Variants in NUP93 observed in about 807,000 individuals in gnomAD.
NUP93 encodes nucleoporin 93.
NUP93 carries 55 observed loss-of-function variants against 107.8 expected under a neutral mutation model. The observed-to-expected ratio is 0.51, with a 90% confidence interval of 0.41 to 0.64. The LOEUF is 0.64. Ranked by LOEUF, NUP93 falls within the 30% of genes least tolerant of loss-of-function variation. The pLI is 0.00. For synonymous variants in NUP93, 390 were observed against 397.5 expected (o/e 0.98, Z 0.22); for missense variants, 937 against 1,044.7 (o/e 0.90, Z 1.42).
intron 3 of NUP93, among the ~76,000 whole-genome samples, chr16:56,779,546 T>C (rs1033110623): frequency 6.6e-6 from 1 of 152,180 alleles, no homozygotes; most frequent in Admixed American, 6.5e-5. Flanking sequence ...GTGGCTTCTT[T>C]GTAGCATTTT....
intron 3 of NUP93, among the ~76,000 whole-genome samples, chr16:56,760,736 A>C (rs1962110463): frequency 6.6e-6 from 1 of 152,286 alleles, no homozygotes; most frequent in East Asian, 1.9e-4. Context: ...TTACAGTTCA[A>C]CATGAGATTT....
chr16:56,805,645 C>G lies in NUP93; in HGVS notation c.489+13C>G. On this transcript the variant is annotated intron_variant, in intron 5 of 21. Coordinates refer to ENST00000308159, the MANE Select transcript of NUP93 (RefSeq NM_014669.5). The stretch of plus-strand genomic sequence containing the variant: ...TCAAGAAAGCGAGGTAGCTTGAATG[C>G]AAAAGATAAACTACTGTTAATAAAA... 6.2e-7 allele frequency: 1 copy of G among 1,610,998 alleles called. No homozygotes were observed. Among genetic ancestry groups the G allele is most frequent in the Non-Finnish European group, 8.5e-7 (1 of 1,177,896 alleles).
At chr16:56,833,494 G>A in intron 13 of NUP93, 88 bp downstream of exon 13, 7 of 1,087,594 alleles carry the variant, frequency 6.4e-6, no homozygotes, top group Non-Finnish European at 7.6e-6. Context: ...AACCAATAAG[G>A]ATTTGAGCAA....
Position 56,823,703 on chromosome 16 carries a change from G to T in NUP93, c.655-4G>T, listed in dbSNP as rs371599921. 24 of 1,613,830 alleles carry T rather than the reference G, an allele frequency of 1.5e-5. No homozygotes were observed. The African/African-American group carries it at 2.9e-4, about 20-fold the overall frequency. ...TTGTCACATGCAGTTTCATTTATGT[G>T]CAGAGCATTTCCGACATGTGGACCA... On this transcript the variant is annotated splice_region_variant and splice_polypyrimidine_tract_variant and intron_variant, in intron 7 of 21. Coordinates refer to ENST00000308159, the MANE Select transcript of NUP93 (RefSeq NM_014669.5).
chr16:56,774,453 A>G (rs1469190690), intron 3 of NUP93, among the ~76,000 whole-genome samples: 1 of 149,122 alleles, frequency 6.7e-6, no homozygotes, highest in African/African-American at 2.5e-5. Flanking sequence ...TGTGCTAGAG[A>G]TCTTGGGTCT....
intron 7 of NUP93, among the ~76,000 whole-genome samples, chr16:56,823,252 C>G (rs1963586760): frequency 6.6e-6 from 1 of 152,082 alleles, no homozygotes; most frequent in African/African-American, 2.4e-5. Flanking sequence ...GGACAAAAAC[C>G]TGTATTATTA....
At chr16:56,747,576 T>G (rs1312474895) in intron 1 of NUP93, among the ~76,000 whole-genome samples, 2 of 152,100 alleles carry the variant, frequency 1.3e-5, no homozygotes, top group African/African-American at 4.8e-5. Flanking sequence ...GAAGAATTTC[T>G]TCTATGTTAG....
intron 1 of NUP93, among the ~76,000 whole-genome samples, chr16:56,736,844 AGT>A (rs1961622542): frequency 6.6e-6 from 1 of 152,234 alleles, no homozygotes; most frequent in Non-Finnish European, 1.5e-5. Flanking sequence ...AAAATTAACA[AGT>A]TATTAAAAAT....
intron 2 of NUP93, among the ~76,000 whole-genome samples, chr16:56,754,775 C>G (rs1451892149): frequency 6.6e-6 from 1 of 152,220 alleles, no homozygotes. Flanking sequence ...TTTGTGGGGT[C>G]TGCAACCCCA....
chr16:56,731,628 G>C (rs1343208633), intron 1 of NUP93, among the ~76,000 whole-genome samples: 1 of 151,936 alleles, frequency 6.6e-6, no homozygotes, highest in Non-Finnish European at 1.5e-5. Flanking sequence ...GGCTGGTCTT[G>C]AACTCCTGGC....
chr16:56,815,463 A>G (rs1385194990), intron 5 of NUP93, among the ~76,000 whole-genome samples: 1 of 152,230 alleles, frequency 6.6e-6, no homozygotes, highest in East Asian at 1.9e-4. Context: ...AGGAATGTGT[A>G]TTCATTGTAG....
chr16:56,839,691 G>T (rs1963983585), intron 20 of NUP93, 87 bp downstream of exon 20: 4 of 1,043,994 alleles, frequency 3.8e-6, no homozygotes, highest in Middle Eastern at 2.0e-4. Flanking sequence ...ACAGCTTTAA[G>T]AATTCTAGTT....
chr16:56,820,186 G>C (rs1225884335), intron 6 of NUP93, among the ~76,000 whole-genome samples: 5 of 152,224 alleles, frequency 3.3e-5, no homozygotes, highest in Non-Finnish European at 5.9e-5. Context: ...TTACACGGCT[G>C]TCCTCTCCAC....
At chr16:56,840,853 C>T (rs926897483) in intron 20 of NUP93, among the ~76,000 whole-genome samples, 11 of 152,120 alleles carry the variant, frequency 7.2e-5, no homozygotes, top group African/African-American at 2.2e-4. Context: ...AAAAATTAGC[C>T]GGGCGTGGTG....
chr16:56,820,506 A>T (rs1407086514), intron 6 of NUP93, among the ~76,000 whole-genome samples: 7 of 152,132 alleles, frequency 4.6e-5, no homozygotes, highest in African/African-American at 1.7e-4. Context: ...AATACAGACC[A>T]GGGTTTCACC....
intron 1 of NUP93, among the ~76,000 whole-genome samples, chr16:56,732,029 T>A (rs1405747050): frequency 6.6e-5 from 10 of 152,196 alleles, no homozygotes; most frequent in African/African-American, 2.2e-4. Context: ...TCCCTCCCTT[T>A]CCAAACGTCA....
At chr16:56,749,603 T>C (rs1339523185) in intron 2 of NUP93, among the ~76,000 whole-genome samples, 2 of 152,224 alleles carry the variant, frequency 1.3e-5, no homozygotes, top group Admixed American at 1.3e-4. Flanking sequence ...GTGCTGGTGT[T>C]AATGTGGGAC....
intron 3 of NUP93, among the ~76,000 whole-genome samples, chr16:56,776,590 C>G (rs574660125): frequency 1.3e-5 from 2 of 152,306 alleles, no homozygotes; most frequent in East Asian, 3.9e-4. Flanking sequence ...TACAATCAAC[C>G]TGGCAAGAAA....
chr16:56,788,069 T>C (rs1426038809), intron 3 of NUP93, among the ~76,000 whole-genome samples: 8 of 152,204 alleles, frequency 5.3e-5, no homozygotes, highest in Admixed American at 5.2e-4. Flanking sequence ...CCTAACCTTT[T>C]TGGAGTGATT....
Sources: gnomAD v4.1 joint callset for allele counts (sites outside exome capture counted in the v4.1 genomes callset) on GRCh38, gnomAD v4.1.1 for gene constraint, MANE v1.5 for transcripts, NCBI Gene and HGNC (gene_info 2026-07-23, HGNC 2026-07-21) for gene names.